AKAIN1: variants seen among roughly 807,000 people sequenced by gnomAD.
AKAIN1 encodes the protein A-kinase anchor protein inhibitor 1.
AKAIN1 carries 3 observed loss-of-function variants against 3.7 expected under a neutral mutation model. The observed-to-expected ratio is 0.82, with a 90% CI of 0.37 to 2.12. AKAIN1 has a LOEUF of 2.12. Ranked by LOEUF, AKAIN1 falls within the 30% of genes most tolerant of loss-of-function variation. The pLI is 0.06. For missense variants in AKAIN1, 82 were observed against 82.7 expected, an observed-to-expected ratio of 0.99 and a Z score of 0.03; for synonymous variants, 31 against 30.8, an observed-to-expected ratio of 1.01 and a Z score of -0.02.
intron 1 of AKAIN1, among the ~76,000 whole-genome samples, chr18:5,146,394 C>G (rs553115768): frequency 6.6e-6 from 1 of 152,270 alleles, no homozygotes; most frequent in African/African-American, 2.4e-5. Flanking sequence ...CAGCCCTGGG[C>G]CACGTACTTC....
At chr18:5,188,117 C>T (rs905587932) in intron 1 of AKAIN1, among the ~76,000 whole-genome samples, 2 of 152,114 alleles carry the variant, frequency 1.3e-5, no homozygotes, top group African/African-American at 4.8e-5. Flanking sequence ...GACTCAATGT[C>T]CTGAATCCTA....
chr18:5,168,829 A>G (rs935543341), intron 1 of AKAIN1, among the ~76,000 whole-genome samples: 1 of 151,638 alleles, frequency 6.6e-6, no homozygotes, highest in Non-Finnish European at 1.5e-5. Flanking sequence ...ATGCATAATA[A>G]ACAGGTGCTT....
intron 1 of AKAIN1, among the ~76,000 whole-genome samples, chr18:5,166,962 G>A (rs921541562): frequency 2.0e-5 from 3 of 152,018 alleles, no homozygotes; most frequent in Non-Finnish European, 4.4e-5. Flanking sequence ...CTAGCAATCC[G>A]CTATGCTAAC....
chr18:5,150,141 G>C (rs976113366), intron 1 of AKAIN1, among the ~76,000 whole-genome samples: 2 of 152,230 alleles, frequency 1.3e-5, no homozygotes, highest in Non-Finnish European at 2.9e-5. Context: ...GAGAGCAGGT[G>C]TTCACAGGTT....
At chr18:5,195,422 C>A (rs1029691519) in intron 1 of AKAIN1, among the ~76,000 whole-genome samples, 3 of 152,158 alleles carry the variant, frequency 2.0e-5, no homozygotes, top group Non-Finnish European at 1.5e-5. Context: ...ACAACCCTAA[C>A]TCTTGTACAA....
intron 1 of AKAIN1, among the ~76,000 whole-genome samples, chr18:5,154,828 C>T (rs1396083949): frequency 1.3e-5 from 2 of 152,208 alleles, no homozygotes. Flanking sequence ...TTCCTCCTGT[C>T]ATCTAGGCTG....
Position 5,196,105 on chromosome 18 carries a change from T to C in AKAIN1, c.16+933A>G, listed in dbSNP as rs1052722013. The stretch of plus-strand genomic sequence containing the variant: ...AGCAAATACATGCCAATCTTTCAAG[T>C]TAAAGACCCCAGGAACAAAGCTAGA... On this transcript the variant is annotated intron_variant, in intron 1 of 1. Coordinates refer to ENST00000434239, the MANE Select transcript of AKAIN1 (RefSeq NM_001145194.2). Among the ~76,000 whole-genome samples, 9 of 152,260 alleles carry C rather than the reference T, an allele frequency of 5.9e-5. No homozygotes were observed. In the East Asian group the frequency reaches 7.7e-4, roughly 13 times the overall value.
At chr18:5,197,471 T>C (rs1598320066), upstream of AKAIN1, 1 of 1,140,546 alleles carries the variant, frequency 8.8e-7, no homozygotes, top group Non-Finnish European at 1.1e-6. This position sits in a 1 kb window ranked among gnomAD's most constrained non-coding sequence, Gnocchi z 6.9. Flanking sequence ...CTCGTCGCCG[T>C]GGATATTGGA....
chr18:5,179,724 T>C (rs1239988910), intron 1 of AKAIN1, among the ~76,000 whole-genome samples: 1 of 152,142 alleles, frequency 6.6e-6, no homozygotes, highest in African/African-American at 2.4e-5. Context: ...AAGTAGAAGA[T>C]AAACTTCAAG....
At chr18:5,156,514 T>A (rs2071109267) in intron 1 of AKAIN1, among the ~76,000 whole-genome samples, 1 of 152,164 alleles carries the variant, frequency 6.6e-6, no homozygotes, top group Non-Finnish European at 1.5e-5. Context: ...CTTTCTACTC[T>A]CCTTGAAAGA....
intron 1 of AKAIN1, among the ~76,000 whole-genome samples, chr18:5,194,774 C>T (rs1236520321): frequency 6.6e-6 from 1 of 152,188 alleles, no homozygotes; most frequent in Non-Finnish European, 1.5e-5. Context: ...TTATATAACA[C>T]CCTTTTAATA....
At chr18:5,192,008 T>C (rs1352271233) in intron 1 of AKAIN1, among the ~76,000 whole-genome samples, 1 of 152,196 alleles carries the variant, frequency 6.6e-6, no homozygotes, top group East Asian at 1.9e-4. Context: ...CATCAAACAA[T>C]GTTTGTGTTA....
At chr18:5,186,077 C>T (rs141734377) in intron 1 of AKAIN1, among the ~76,000 whole-genome samples, 12 of 152,132 alleles carry the variant, frequency 7.9e-5, no homozygotes, top group East Asian at 1.9e-4. Flanking sequence ...CATAGATGCA[C>T]GGATGGAGCT....
chr18:5,177,946 C>T (rs2071235360), intron 1 of AKAIN1, among the ~76,000 whole-genome samples: 1 of 152,102 alleles, frequency 6.6e-6, no homozygotes, highest in Non-Finnish European at 1.5e-5. Flanking sequence ...AATTCCTGAG[C>T]ATAAATGTTG....
At chr18:5,178,225 A>C (rs1476273555) in intron 1 of AKAIN1, among the ~76,000 whole-genome samples, 1 of 152,076 alleles carries the variant, frequency 6.6e-6, no homozygotes, top group Non-Finnish European at 1.5e-5. Flanking sequence ...TGTGCATGCT[A>C]TGGTAATTGA....
intron 1 of AKAIN1, among the ~76,000 whole-genome samples, chr18:5,180,522 T>A (rs1409042187): frequency 6.6e-6 from 1 of 152,118 alleles, no homozygotes; most frequent in African/African-American, 2.4e-5. Context: ...AATGGCAAGA[T>A]AAGAGAAGCC....
In AKAIN1 at chr18:5,184,358, G is replaced by T. The variant is rs527679516; in HGVS notation, c.16+12680C>A. 2.1e-4 allele frequency among the ~76,000 whole-genome samples: 32 copies of T among 152,142 alleles called. 1 individual carries two copies. In the South Asian group the frequency reaches 4.1e-3, roughly 20 times the overall value. On this transcript the variant is annotated intron_variant, in intron 1 of 1. Coordinates refer to ENST00000434239, the MANE Select transcript of AKAIN1 (RefSeq NM_001145194.2). ...GTCCTAGCCAGAACAATCGGCAAAA[G>T]AAATAAATAAAAGACATCAAATAGG...
At chr18:5,197,350 G>A, upstream of AKAIN1, 1 of 1,280,566 alleles carries the variant, frequency 7.8e-7, no homozygotes, top group Non-Finnish European at 9.9e-7. The surrounding 1 kb of genome is among the most constrained non-coding windows in gnomAD (Gnocchi z 6.9). Flanking sequence ...CTGCTGCTTA[G>A]GGAGCAAAGC....
intron 1 of AKAIN1, among the ~76,000 whole-genome samples, chr18:5,176,559 G>C (rs1026061167): frequency 6.6e-6 from 1 of 152,148 alleles, no homozygotes; most frequent in Non-Finnish European, 1.5e-5. Context: ...GGATTCAAGT[G>C]TTATGATAAG....
Sources: gnomAD v4.1 joint callset for allele counts (sites outside exome capture counted in the v4.1 genomes callset) on GRCh38, gnomAD v4.1.1 for gene constraint, Gnocchi (gnomAD v3.1) non-coding constraint, MANE v1.5 for transcripts, NCBI Gene and HGNC (gene_info 2026-07-23, HGNC 2026-07-21) for gene names.